The following PNPLA7 variants were observed in gnomAD, a reference collection of about 807,000 sequenced individuals.
The protein encoded by PNPLA7 is patatin like domain 7, lysophospholipase, also known as patatin-like phospholipase domain-containing protein 7.
PNPLA7 carries 153 observed loss-of-function variants against 161.7 expected under a neutral mutation model. The observed-to-expected ratio is 0.95, with a 90% CI of 0.83 to 1.08. The LOEUF is 1.08. PNPLA7 is among the 50% of genes least tolerant of loss of function. The pLI is 0.00. For synonymous variants in PNPLA7, 809 were observed against 782.1 expected (o/e 1.03, Z -0.57); for missense variants, 1,739 against 1,856.6 (o/e 0.94, Z 1.16).
chr9:137,542,053 C>A (rs1322984764), intron 7 of PNPLA7, among the ~76,000 whole-genome samples: 2 of 152,158 alleles, frequency 1.3e-5, no homozygotes, highest in Non-Finnish European at 2.9e-5. Flanking sequence ...TACTTTCTTA[C>A]AATTAATTTA....
chr9:137,549,241 G>C (rs2132679740), intron 1 of PNPLA7, among the ~76,000 whole-genome samples: 1 of 152,334 alleles, frequency 6.6e-6, no homozygotes, highest in East Asian at 1.9e-4. Context: ...CCAGCACTTT[G>C]GGAGGCCGAG....
chr9:137,481,635 T>C (rs1354205613), intron 21 of PNPLA7, among the ~76,000 whole-genome samples: 1 of 152,094 alleles, frequency 6.6e-6, no homozygotes, highest in African/African-American at 2.4e-5. Context: ...CAGAGCCCCA[T>C]GTGTGGGAAG....
At chr9:137,525,199 C>G (rs777849285) in intron 8 of PNPLA7, among the ~76,000 whole-genome samples, 11 of 152,202 alleles carry the variant, frequency 7.2e-5, no homozygotes, top group Admixed American at 2.0e-4. Context: ...AAAGTTCAGG[C>G]AAACGTCCCT....
rs1331035032 is a variant in PNPLA7 at position 137,524,186 on chromosome 9, A to G, written c.748-1329T>C. Among the ~76,000 whole-genome samples, 1 of 151,984 alleles carries G rather than the reference A, an allele frequency of 6.6e-6. No homozygotes were observed. Among genetic ancestry groups the G allele is most frequent in the Non-Finnish European group, 1.5e-5 (1 of 67,846 alleles). On this transcript the variant is annotated intron_variant, in intron 8 of 34. Transcript: ENST00000406427. This position sits in a 1 kb window ranked among gnomAD's most constrained non-coding sequence, Gnocchi z 4.4. ...GGTTGTGCCTTTGTCAAAATGTCAC[A>G]TAAATGGAGGCACAGAGTGTGGAGG...
intron 20 of PNPLA7, among the ~76,000 whole-genome samples, chr9:137,487,989 C>T (rs904107050): frequency 1.8e-4 from 28 of 152,386 alleles, no homozygotes; most frequent in African/African-American, 6.0e-4. Flanking sequence ...CGCCTCTAGG[C>T]GCTGAGTGGA....
At chr9:137,475,013 A>AG (rs1488588502) in intron 25 of PNPLA7, among the ~76,000 whole-genome samples, 1 of 141,534 alleles carries the variant, frequency 7.1e-6, no homozygotes, top group Admixed American at 6.9e-5. Flanking sequence ...TCTGCCTCAA[A>AG]AAAAAAAAAA....
intron 22 of PNPLA7, 35 bp from the exon 23 acceptor site, chr9:137,480,515 C>T: frequency 6.3e-7 from 1 of 1,577,160 alleles, no homozygotes; most frequent in Non-Finnish European, 8.6e-7. Context: ...CACTACTCCG[C>T]AGGGGCCTGG....
chr9:137,510,380 A>G (rs183984566), intron 12 of PNPLA7, among the ~76,000 whole-genome samples: 42 of 152,248 alleles, frequency 2.8e-4, no homozygotes, highest in Admixed American at 2.5e-3. Context: ...TCTGCCTTCT[A>G]GATAGCAGTA....
At position 137,524,882 on chromosome 9, in the gene PNPLA7, C is replaced by A. The variant is rs1360552564; in HGVS notation, c.748-2025G>T. ...CCCGTGGAATGAGTTTCCGTGGATGCCTGTCTTCACCAGCAGTTGGTGCCA... is the reference window on the plus strand; with the variant it reads ...CCCGTGGAATGAGTTTCCGTGGATGACTGTCTTCACCAGCAGTTGGTGCCA... On this transcript the variant is annotated intron_variant, in intron 8 of 34. Transcript: ENST00000406427. The surrounding 1 kb of genome is among the most constrained non-coding windows in gnomAD (Gnocchi z 4.4). 6.6e-6 allele frequency among the ~76,000 whole-genome samples: 1 copy of A among 152,158 alleles called. No individual in the cohort carries two copies. The highest frequency in any genetic ancestry group is 1.9e-4 in the East Asian group (1 of 5,198).
At chr9:137,510,118 A>G (rs1268509784) in intron 12 of PNPLA7, among the ~76,000 whole-genome samples, 2 of 152,166 alleles carry the variant, frequency 1.3e-5, no homozygotes, top group South Asian at 2.1e-4. Flanking sequence ...GACGCCCGTT[A>G]CCAGGCGGAT....
chr9:137,525,483 C>T (rs4962248), intron 8 of PNPLA7, among the ~76,000 whole-genome samples: 6,148 of 151,752 alleles, frequency 0.041, 320 homozygotes, highest in African/African-American at 0.12. Flanking sequence ...CGTAAGGTCA[C>T]GTGAGTCACG....
At chr9:137,539,532 G>A (rs1002449574) in intron 8 of PNPLA7, among the ~76,000 whole-genome samples, 7 of 152,046 alleles carry the variant, frequency 4.6e-5, no homozygotes, top group African/African-American at 1.7e-4. Flanking sequence ...TACAAAATTA[G>A]CCAGGTATGG....
chr9:137,491,332 A>C (rs1331015566), intron 20 of PNPLA7: 1 of 445,008 alleles, frequency 2.2e-6, no homozygotes, highest in African/African-American at 2.2e-5. Context: ...AACAGAAAAA[A>C]CAACAAAATG....
chr9:137,522,299 C>A (rs987341436), intron 9 of PNPLA7, among the ~76,000 whole-genome samples: 2 of 150,342 alleles, frequency 1.3e-5, no homozygotes, highest in Admixed American at 6.6e-5. Context: ...TGGTCTCGAT[C>A]TCCTGACCTC....
At chr9:137,534,826 C>A (rs901124855) in intron 8 of PNPLA7, among the ~76,000 whole-genome samples, 5 of 152,146 alleles carry the variant, frequency 3.3e-5, no homozygotes, top group Admixed American at 3.3e-4. Flanking sequence ...CGATACCCAA[C>A]CTAAACCCCT....
Position 137,523,573 on chromosome 9 carries a change from C to A in PNPLA7, c.748-716G>T, listed in dbSNP as rs760573341. ...GCAGATTCTTCTGGAAACTTGTTGGCTCTAGAGACGAAAGGCTGTTGTTTA... is the reference window on the plus strand; with the variant it reads ...GCAGATTCTTCTGGAAACTTGTTGGATCTAGAGACGAAAGGCTGTTGTTTA... On this transcript the variant is annotated intron_variant, in intron 8 of 34. Coordinates refer to ENST00000406427, the MANE Select transcript of PNPLA7 (RefSeq NM_001098537.3). The surrounding 1 kb of genome is among the most constrained non-coding windows in gnomAD (Gnocchi z 4.4). Among the ~76,000 whole-genome samples the A allele has an allele frequency of 4.6e-5, 7 of 151,816 alleles. No individual in the cohort carries two copies. The highest frequency in any genetic ancestry group is 8.8e-5 in the Non-Finnish European group (6 of 68,016).
chr9:137,533,415 C>A (rs1438758816), intron 8 of PNPLA7, among the ~76,000 whole-genome samples: 1 of 145,674 alleles, frequency 6.9e-6, no homozygotes, highest in South Asian at 2.2e-4. Context: ...GGAGCACCCC[C>A]AGACTCCTCC....
intron 20 of PNPLA7, among the ~76,000 whole-genome samples, chr9:137,489,546 C>T (rs28563841): frequency 0.11 from 16,634 of 152,184 alleles, 1,129 homozygotes; most frequent in African/African-American, 0.2. Context: ...CAGATAAAAA[C>T]GACCGCATGT....
chr9:137,479,145 C>A lies in PNPLA7; in HGVS notation c.2674G>T (p.Glu892Ter). 6.3e-7 allele frequency: 1 copy of A among 1,586,996 alleles called. No homozygotes were observed. The highest frequency in any genetic ancestry group is 1.8e-5 in the Admixed American group (1 of 56,178). The change falls in exon 24 of 35, where the codon GAG becomes TAG. Residue 892 changes from glutamate to a stop codon, truncating the protein, a stop_gained. Transcript: ENST00000406427. LOFTEE classifies it high-confidence loss of function. ...CACCAGCTCCGCATGTTGAGCCACTCCACGGTGCGCGCTGGCGCCGGGCCC... is the reference window on the plus strand; with the variant it reads ...CACCAGCTCCGCATGTTGAGCCACTACACGGTGCGCGCTGGCGCCGGGCCC... Reference protein sequence around the residue: ...EEGPAPARTVEWLNMRSWCSG... With the variant: ...EEGPAPARTV
Sources: allele counts gnomAD v4.1 joint callset (sites outside exome capture counted in the v4.1 genomes callset), GRCh38; gene constraint gnomAD v4.1.1; non-coding constraint Gnocchi (gnomAD v3.1); transcripts MANE v1.5; gene names NCBI Gene and HGNC (gene_info 2026-07-23, HGNC 2026-07-21).